KCTD13: variants seen among roughly 807,000 people sequenced by gnomAD.
KCTD13 encodes the protein potassium channel tetramerization domain containing 13.
A neutral mutation model predicts 32.3 loss-of-function variants in KCTD13; 15 were observed. That is an observed-to-expected ratio of 0.46 (90% CI 0.31 to 0.71). The LOEUF (loss-of-function observed/expected upper bound fraction) is 0.71, where lower values mean the gene tolerates loss of function less well. KCTD13 is among the 30% of genes least tolerant of loss of function. The pLI is 0.05. For missense variants in KCTD13, 337 were observed against 452.6 expected, an observed-to-expected ratio of 0.74 and a Z score of 2.32; for synonymous variants, 189 against 200.1, an observed-to-expected ratio of 0.94 and a Z score of 0.47.
rs1279242595 is a variant in KCTD13 at position 29,906,906 on chromosome 16, C to T, written c.956G>A (p.Arg319His). Residue 319 changes from arginine (R) to histidine (H), a missense_variant, in exon 6 of 6, where the codon CGT (arginine) becomes CAT (histidine). Physicochemically the swap from Arg to His is conservative, Grantham distance 29 (BLOSUM62 0). Around this residue, in one of 3 missense-constraint regions of KCTD13, gnomAD observed 252 missense variants for 340.2 expected, o/e 0.74. Transcript: ENST00000568000. ...GAAGACAATTTGTTGGCCATGAGGA[C>T]GCTCGTCGTGGGTGATATGGCGCCG... is the stretch of plus-strand genomic sequence containing the variant. ...HVRRHITHDE[R>H]PHGQQIVFKD is the part of the protein sequence containing the mutation. The T allele has an allele frequency of 6.8e-6, 11 of 1,613,948 alleles. No homozygotes were observed. Among genetic ancestry groups the T allele is most frequent in the South Asian group, 2.2e-5 (2 of 91,080 alleles).
chr16:29,911,736 C>T (rs904043677), intron 4 of KCTD13, 79 bp downstream of exon 4: 7 of 1,503,328 alleles, frequency 4.7e-6, no homozygotes, highest in Admixed American at 3.5e-5. Flanking sequence ...CCCGTGTGGC[C>T]GTGGCCCTCG....
intron 1 of KCTD13, chr16:29,925,504 A>C: frequency 4.2e-6 from 2 of 481,016 alleles, no homozygotes; most frequent in Non-Finnish European, 7.6e-6. Flanking sequence ...AGAGGTGGTC[A>C]TGAGGATTAT....
intron 5 of KCTD13, 38 bp downstream of exon 5, chr16:29,910,940 C>T (rs756082849): frequency 3.2e-6 from 5 of 1,581,576 alleles, no homozygotes; most frequent in East Asian, 2.2e-5. Context: ...GTCCTGGCCA[C>T]CCCCAGCCCC....
chr16:29,923,917 G>A (rs1231841858), intron 1 of KCTD13, among the ~76,000 whole-genome samples: 1 of 151,036 alleles, frequency 6.6e-6, no homozygotes, highest in African/African-American at 2.4e-5. Context: ...ACTGACGCCT[G>A]TAATCCCAGC....
chr16:29,916,073 TC>T (rs1441245582), intron 2 of KCTD13, among the ~76,000 whole-genome samples: 1 of 152,164 alleles, frequency 6.6e-6, no homozygotes, highest in Non-Finnish European at 1.5e-5. Flanking sequence ...GACCATCCGT[TC>T]CTTAGGTATA....
intron 2 of KCTD13, among the ~76,000 whole-genome samples, chr16:29,912,767 A>C (rs915378904): frequency 6.6e-5 from 10 of 152,222 alleles, no homozygotes; most frequent in African/African-American, 2.4e-4. Context: ...CACAGCAGTT[A>C]GTGTCTGACT....
chr16:29,923,949 C>T (rs1005004192), intron 1 of KCTD13, among the ~76,000 whole-genome samples: 4 of 151,880 alleles, frequency 2.6e-5, no homozygotes, highest in Admixed American at 6.6e-5. Context: ...CCGAGGTGGG[C>T]GGATCACCTG....
chr16:29,908,209 C>CA (rs1441225077), intron 5 of KCTD13, among the ~76,000 whole-genome samples: 2 of 151,956 alleles, frequency 1.3e-5, no homozygotes, highest in African/African-American at 4.8e-5. Context: ...AGCTGTGGGT[C>CA]AGGAGTGCAC....
At chr16:29,912,170 C>T (rs921392075) in intron 2 of KCTD13, 121 bp from the exon 3 acceptor site, 2 of 706,268 alleles carry the variant, frequency 2.8e-6, no homozygotes. Context: ...CAGGGCTCTG[C>T]AGGCTCCAAG....
At chr16:29,919,138 A>T (rs1321354281) in intron 2 of KCTD13, among the ~76,000 whole-genome samples, 3 of 152,234 alleles carry the variant, frequency 2.0e-5, no homozygotes, top group African/African-American at 7.2e-5. Context: ...CAGGAAATTA[A>T]GGATAAGGCT....
chr16:29,907,425 T>C (rs1486350186), intron 5 of KCTD13, among the ~76,000 whole-genome samples: 4 of 152,196 alleles, frequency 2.6e-5, no homozygotes, highest in Non-Finnish European at 4.4e-5. Flanking sequence ...AAAATAGCAG[T>C]GAACAAAACA....
Position 29,925,887 on chromosome 16 carries a change from G to C in KCTD13, c.147C>G (p.Gly49=), listed in dbSNP as rs930055571. 2.5e-6 allele frequency: 4 copies of C among 1,613,980 alleles called. No individual in the cohort carries two copies. The African/African-American group carries it at 5.3e-5, about 22-fold the overall frequency. Residue 49 remains glycine (G), a synonymous_variant, in exon 1 of 6, where the codon GGC becomes GGG. Transcript: ENST00000568000. ...NSKYVKLNVG[G]SLHYTTLRTL... is the part of the protein sequence containing the mutation. ...TGCGCAGCGTGGTGTAGTGCAACGA[G>C]CCGCCCACGTTCAGCTTCACGTATT...
chr16:29,907,217 T>C (rs2068629412), intron 5 of KCTD13, 109 bp from the exon 6 acceptor site: 1 of 737,134 alleles, frequency 1.4e-6, no homozygotes, highest in South Asian at 1.8e-5. Context: ...TGCAGTCAGG[T>C]CCTTGGGCCT....
intron 5 of KCTD13, among the ~76,000 whole-genome samples, 199 bp from the exon 6 acceptor site, chr16:29,907,307 T>C (rs2068630696): frequency 6.6e-6 from 1 of 152,226 alleles, no homozygotes; most frequent in South Asian, 2.1e-4. Context: ...GGCAGAATTA[T>C]TTGTTTTCTC....
At chr16:29,912,352 G>A (rs564221520) in intron 2 of KCTD13, 30 of 480,602 alleles carry the variant, frequency 6.2e-5, no homozygotes, top group Admixed American at 4.1e-4. Flanking sequence ...CATTCAGATC[G>A]CAGGTCACAC....
At chr16:29,920,963 G>A (rs193090391) in intron 2 of KCTD13, 3 of 152,266 alleles carry the variant, frequency 2.0e-5, no homozygotes, top group Non-Finnish European at 4.4e-5. Context: ...GGTTTGTAGG[G>A]GCAGGAACTG....
chr16:29,907,970 C>T (rs1390759705), intron 5 of KCTD13, among the ~76,000 whole-genome samples: 5 of 148,754 alleles, frequency 3.4e-5, no homozygotes, highest in Admixed American at 2.7e-4. Flanking sequence ...GTAGCAAGAC[C>T]TCATCTATTA....
chr16:29,918,200 T>C (rs889981295), intron 2 of KCTD13, among the ~76,000 whole-genome samples: 1 of 152,222 alleles, frequency 6.6e-6, no homozygotes, highest in African/African-American at 2.4e-5. Context: ...GGATTATCAA[T>C]TTGTGTGTCA....
intron 1 of KCTD13, among the ~76,000 whole-genome samples, chr16:29,925,270 A>G (rs989350096): frequency 2.6e-5 from 4 of 152,172 alleles, no homozygotes; most frequent in Non-Finnish European, 4.4e-5. Context: ...TCCTTCTGCA[A>G]TGTGTGTATA....
Sources: allele counts gnomAD v4.1 joint callset (sites outside exome capture counted in the v4.1 genomes callset), GRCh38; gene constraint gnomAD v4.1.1; regional missense constraint gnomAD v4.1.1; transcripts MANE v1.5; gene names NCBI Gene and HGNC (gene_info 2026-07-23, HGNC 2026-07-21).